LYST: variants seen among roughly 807,000 people sequenced by gnomAD.
The protein encoded by LYST is lysosomal-trafficking regulator.
Under a neutral mutation model 413.6 loss-of-function variants are expected in LYST, and 192 were observed. The observed-to-expected ratio is 0.46, with a 90% CI of 0.41 to 0.52. The LOEUF is 0.52. Among genes scored for constraint, LYST ranks in the 20% least tolerant of loss-of-function variants. The pLI, the probability that LYST is intolerant of heterozygous loss-of-function variation, is 0.00. For synonymous variants in LYST, 1,525 were observed against 1,567.3 expected, an observed-to-expected ratio of 0.97 and a Z score of 0.64; for missense variants, 3,815 against 4,499.9, an observed-to-expected ratio of 0.85 and a Z score of 4.35.
At chr1:235,774,761 A>G (rs373874724) in intron 18 of LYST, 152 bp downstream of exon 18, 16 of 590,290 alleles carry the variant, frequency 2.7e-5, no homozygotes, top group East Asian at 8.4e-5. Context: ...AAGAACTAGA[A>G]GAGTATCTTA....
At position 235,809,210 on chromosome 1, in the gene LYST, A is replaced by G. The variant is rs750132268; in HGVS notation, c.1608T>C (p.Thr536=). The G allele has an allele frequency of 1.2e-6, 2 of 1,614,098 alleles. No individual in the cohort carries two copies. Among genetic ancestry groups the G allele is most frequent in the Non-Finnish European group, 1.7e-6 (2 of 1,179,988 alleles). ...NQVSKNPFEE[T]ADGDVYYPER... ...CAGGATAATAAACATCTCCATCTGC[A>G]GTCTCTTCAAATGGGTTTTTGGAAA... The change falls in exon 5 of 53, where the codon ACT becomes ACC. Residue 536 remains threonine, a synonymous_variant. Transcript: ENST00000389793. This position sits in a 1 kb window ranked among gnomAD's most constrained non-coding sequence, Gnocchi z 4.0.
At chr1:235,690,348 CTATAA>C (rs1487814975) in intron 47 of LYST, among the ~76,000 whole-genome samples, 2 of 152,070 alleles carry the variant, frequency 1.3e-5, no homozygotes, top group South Asian at 4.1e-4. Context: ...CATACTGATT[CTATAA>C]TATGTTTTTG....
chr1:235,688,132 A>C (rs1473726370), intron 47 of LYST, among the ~76,000 whole-genome samples: 2 of 152,242 alleles, frequency 1.3e-5, no homozygotes, highest in East Asian at 3.9e-4. Flanking sequence ...GAACAAAGAG[A>C]AAATGCACTT....
intron 50 of LYST, among the ~76,000 whole-genome samples, chr1:235,665,325 C>G (rs554121356): frequency 4.8e-4 from 73 of 152,056 alleles, no homozygotes; most frequent in Middle Eastern, 3.4e-3. Context: ...TAAGAAGTGA[C>G]TTGGCCAGGC....
At chr1:235,709,347 C>G in intron 43 of LYST, 39 bp from the exon 44 acceptor site, 2 of 1,478,600 alleles carry the variant, frequency 1.4e-6, no homozygotes, top group Non-Finnish European at 1.9e-6. Context: ...AACTCCCCCA[C>G]AGCAAGTTTC....
At chr1:235,706,450 A>G (rs867396786) in intron 44 of LYST, among the ~76,000 whole-genome samples, 3 of 152,182 alleles carry the variant, frequency 2.0e-5, no homozygotes, top group African/African-American at 7.2e-5. Flanking sequence ...TCTTCATGAC[A>G]TTCCATTCCT....
At chr1:235,849,391 C>T (rs1678260983) in intron 1 of LYST, among the ~76,000 whole-genome samples, 1 of 152,102 alleles carries the variant, frequency 6.6e-6, no homozygotes, top group Non-Finnish European at 1.5e-5. Flanking sequence ...CCCTCTATGA[C>T]AAACCCACAG....
At chr1:235,708,218 C>T (rs993758432) in intron 44 of LYST, among the ~76,000 whole-genome samples, 9 of 152,052 alleles carry the variant, frequency 5.9e-5, no homozygotes, top group African/African-American at 1.7e-4. Flanking sequence ...GGTGCTTTCA[C>T]TATTTATTTC....
intron 3 of LYST, chr1:235,827,743 T>C: frequency 1.6e-5 from 15 of 965,662 alleles, no homozygotes; most frequent in African/African-American, 1.8e-5. Context: ...GATTAAAAAA[T>C]ACCACCACAG....
chr1:235,869,955 A>G (rs755041248), upstream of LYST, among the ~76,000 whole-genome samples: 2 of 151,950 alleles, frequency 1.3e-5, no homozygotes, highest in African/African-American at 4.8e-5. Flanking sequence ...TTTTCTCCAC[A>G]TGGCTGCAGT....
rs1056672134 is a variant in LYST at position 235,759,681 on chromosome 1, C to T, written c.6254-82G>A. On this transcript the variant is annotated intron_variant, in intron 22 of 52. Coordinates refer to ENST00000389793, the MANE Select transcript of LYST (RefSeq NM_000081.4). ...TCTTTTGCATTATAAATCACAACCA[C>T]AGCAAAAGCCCATTTATCTAGCACT... 5 of 1,006,908 alleles carry T rather than the reference C, an allele frequency of 5.0e-6. No individual in the cohort carries two copies. The African/African-American group carries it at 8.0e-5, about 16-fold the overall frequency. 62.4% of individuals were successfully genotyped at this position (1,006,908 alleles called of 1,614,324 possible).
At chr1:235,683,366 T>C (rs1256901839) in intron 48 of LYST, among the ~76,000 whole-genome samples, 1 of 152,228 alleles carries the variant, frequency 6.6e-6, no homozygotes, top group Non-Finnish European at 1.5e-5. Context: ...TGTTCACTTA[T>C]ACGAAGATGA....
chr1:235,800,605 T>C (rs548252226), intron 9 of LYST, among the ~76,000 whole-genome samples: 2 of 152,182 alleles, frequency 1.3e-5, no homozygotes, highest in Non-Finnish European at 2.9e-5. Context: ...TAAAATTAAA[T>C]GCATTTTTAA....
chr1:235,808,120 T>C lies in LYST; in HGVS notation c.2363+335A>G, dbSNP rs546873232. On this transcript the variant is annotated intron_variant, in intron 5 of 52. Transcript: ENST00000389793. ...TGTGTTTCATCTACGTTTTTCTCAG[T>C]TGTATATCTAAAACTTTTCTTTTTG... 2.9e-3 allele frequency among the ~76,000 whole-genome samples: 437 copies of C among 152,344 alleles called. 2 individuals carry two copies. The highest frequency in any genetic ancestry group is 0.01 in the African/African-American group (417 of 41,582).
Position 235,731,064 on chromosome 1 carries a change from T to A in LYST, c.8915A>T (p.Lys2972Met), listed in dbSNP as rs2103209676. Residue 2972 changes from lysine (K) to methionine (M), a missense_variant, in exon 35 of 53, where the codon AAG (lysine) becomes ATG (methionine). Physicochemically the swap from Lys to Met is moderately conservative, Grantham distance 95. Coordinates refer to ENST00000389793, the MANE Select transcript of LYST (RefSeq NM_000081.4). ...LQRCYLTIPN[K>M]YLLRDRQKSE... ...TTTCTGTCTATCCCTAAGGAGATACTTATTTGGAATAGTTAAATAACATCT... is the reference window on the plus strand; with the variant it reads ...TTTCTGTCTATCCCTAAGGAGATACATATTTGGAATAGTTAAATAACATCT... 1.9e-6 allele frequency: 3 copies of A among 1,613,822 alleles called. No individual in the cohort carries two copies. The East Asian group carries it at 6.7e-5, about 36-fold the overall frequency.
At chr1:235,846,204 G>A (rs997122232) in intron 1 of LYST, among the ~76,000 whole-genome samples, 53 of 152,256 alleles carry the variant, frequency 3.5e-4, no homozygotes, top group African/African-American at 1.2e-3. Context: ...AGGACTCTGT[G>A]TAGACAACCC....
At chr1:235,796,502 G>A (rs976364934) in intron 10 of LYST, among the ~76,000 whole-genome samples, 12 of 152,170 alleles carry the variant, frequency 7.9e-5, no homozygotes, top group Admixed American at 4.6e-4. Context: ...AAGAAAATAC[G>A]CAAATAGCTA....
intron 10 of LYST, among the ~76,000 whole-genome samples, chr1:235,799,727 G>A (rs942776857): frequency 2.0e-5 from 3 of 151,914 alleles, no homozygotes; most frequent in Non-Finnish European, 4.4e-5. Flanking sequence ...GCAACAACAT[G>A]GCATTAGACT....
At chr1:235,804,930 G>A (rs775643161) in intron 6 of LYST, among the ~76,000 whole-genome samples, 2 of 152,160 alleles carry the variant, frequency 1.3e-5, no homozygotes, top group Admixed American at 6.6e-5. Flanking sequence ...GAAGCTAAGC[G>A]AAGAAGTCAA....
Sources: allele counts gnomAD v4.1 joint callset (sites outside exome capture counted in the v4.1 genomes callset), GRCh38; gene constraint gnomAD v4.1.1; non-coding constraint Gnocchi (gnomAD v3.1); transcripts MANE v1.5; gene names NCBI Gene and HGNC (gene_info 2026-07-23, HGNC 2026-07-21).